The following GSE1 variants were observed in gnomAD, a reference collection of about 807,000 sequenced individuals.
GSE1 encodes genetic suppressor element 1.
A neutral mutation model predicts 112.6 loss-of-function variants in GSE1; 32 were observed. The observed-to-expected ratio is 0.28, with a 90% CI of 0.21 to 0.38. GSE1 has a LOEUF of 0.38. Ranked by LOEUF, GSE1 falls within the 10% of genes least tolerant of loss-of-function variation. The probability of loss-of-function intolerance (pLI) is 1.00; values close to 1 mark genes in which losing one functional copy is unlikely to be tolerated. For missense variants in GSE1, 2,348 were observed against 1,699.2 expected (o/e 1.38, Z -6.71); for synonymous variants, 1,115 against 735.6 (o/e 1.52, Z -8.35).
At chr16:85,554,064 C>G (rs1035943213), upstream of GSE1, among the ~76,000 whole-genome samples, 1 of 152,000 alleles carries the variant, frequency 6.6e-6, no homozygotes, top group African/African-American at 2.4e-5. Context: ...AGTCGTGATT[C>G]CGGCTGGTTG....
chr16:85,638,600 G>A (rs1043701502), intron 2 of GSE1, among the ~76,000 whole-genome samples: 10 of 152,078 alleles, frequency 6.6e-5, no homozygotes, highest in Admixed American at 1.3e-4. Context: ...TGCCACAGCC[G>A]GGAATGGTGG....
At chr16:85,173,900 G>C (rs771269196) in intron 1 of GSE1, among the ~76,000 whole-genome samples, 10 of 152,170 alleles carry the variant, frequency 6.6e-5, no homozygotes, top group Non-Finnish European at 1.5e-4. Flanking sequence ...CTGTTCCCTA[G>C]AACAAGTTAG....
rs572542209 is a variant in GSE1, at chr16:85,463,157, G to T, written c.2464+105514G>T. The T allele has an allele frequency of 1.2e-4, 118 of 974,834 alleles. 1 individual carries two copies. In the South Asian group the frequency reaches 2.2e-3, roughly 18 times the overall value. 60.4% of individuals were successfully genotyped at this position (974,834 alleles called of 1,614,324 possible). On this transcript the variant is annotated intron_variant, in intron 2 of 2. Coordinates refer to the GSE1 transcript ENST00000637419. ...GCCCAGCTCACCGCCCCGTGGACGG[G>T]AGGGTGGGGGGTCCGGGATGGAACT...
chr16:85,628,545 C>T (rs2049268091), intron 1 of GSE1, among the ~76,000 whole-genome samples: 1 of 152,170 alleles, frequency 6.6e-6, no homozygotes, highest in Non-Finnish European at 1.5e-5. Context: ...CCCTGGTCAC[C>T]AGGGAAGGGC....
chr16:85,450,258 A>C (rs2049638119), intron 2 of GSE1, among the ~76,000 whole-genome samples: 1 of 149,780 alleles, frequency 6.7e-6, no homozygotes, highest in Non-Finnish European at 1.5e-5. Context: ...AGCTGGGATT[A>C]CAGGCATATG....
chr16:85,660,037 C>T (rs1332476516), intron 8 of GSE1, among the ~76,000 whole-genome samples: 3 of 152,218 alleles, frequency 2.0e-5, no homozygotes, highest in Non-Finnish European at 4.4e-5. Context: ...TTGTGGCTGC[C>T]TGCGGGGACA....
intron 1 of GSE1, among the ~76,000 whole-genome samples, chr16:85,356,998 C>G (rs1436841288): frequency 6.6e-6 from 1 of 152,182 alleles, no homozygotes; most frequent in Non-Finnish European, 1.5e-5. Context: ...TTGCCCAGCT[C>G]TCTGAGCCAA....
intron 2 of GSE1, among the ~76,000 whole-genome samples, chr16:85,469,247 C>G (rs1264360674): frequency 6.8e-6 from 1 of 146,158 alleles, no homozygotes; most frequent in Non-Finnish European, 1.5e-5. Flanking sequence ...GAGCAAAACT[C>G]CATCTAAAAA....
chr16:85,613,535 A>C, intron 1 of GSE1, 137 bp downstream of exon 1: 2 of 818,974 alleles, frequency 2.4e-6, no homozygotes, highest in Non-Finnish European at 3.7e-6. Flanking sequence ...TAGCGGCGAT[A>C]AGAGCCGGGA....
chr16:85,177,258 C>T (rs2074486561), intron 1 of GSE1, among the ~76,000 whole-genome samples: 1 of 152,350 alleles, frequency 6.6e-6, no homozygotes, highest in South Asian at 2.1e-4. Context: ...CAGGATCTCA[C>T]CCTTGTGAGG....
At chr16:85,376,699 C>T (rs1231190811) in intron 2 of GSE1, among the ~76,000 whole-genome samples, 1 of 152,216 alleles carries the variant, frequency 6.6e-6, no homozygotes, top group Non-Finnish European at 1.5e-5. Flanking sequence ...CCTCACCCTT[C>T]AGCACAGGCC....
chr16:85,669,135 C>T (rs549067103), intron 14 of GSE1, among the ~76,000 whole-genome samples: 36 of 152,362 alleles, frequency 2.4e-4, no homozygotes, highest in Admixed American at 7.8e-4. Flanking sequence ...GCCTCTGTGC[C>T]TCAGTTTCCC....
At chr16:85,346,360 G>A (rs1204105517) in intron 1 of GSE1, among the ~76,000 whole-genome samples, 3 of 151,546 alleles carry the variant, frequency 2.0e-5, no homozygotes, top group African/African-American at 4.9e-5. Context: ...GTGGACGAGT[G>A]GATGGATGGT....
intron 2 of GSE1, among the ~76,000 whole-genome samples, chr16:85,537,383 C>T (rs563900053): frequency 3.9e-5 from 6 of 152,312 alleles, no homozygotes; most frequent in East Asian, 1.9e-4. Flanking sequence ...CCTGGGAGCT[C>T]GGTGACTCCT....
chr16:85,390,239 G>A (rs970800359), intron 2 of GSE1, among the ~76,000 whole-genome samples: 7 of 152,184 alleles, frequency 4.6e-5, no homozygotes, highest in Non-Finnish European at 1.5e-5. Context: ...CTCACGGCCT[G>A]TAGCTTTGTG....
chr16:85,246,579 G>T (rs938663893), intron 1 of GSE1, among the ~76,000 whole-genome samples: 1 of 145,918 alleles, frequency 6.9e-6, no homozygotes, highest in Non-Finnish European at 1.5e-5. Flanking sequence ...GTCCCCAGTC[G>T]TCTAATTATC....
At chr16:85,456,430 C>T (rs553838104) in intron 2 of GSE1, among the ~76,000 whole-genome samples, 8 of 152,266 alleles carry the variant, frequency 5.3e-5, no homozygotes, top group African/African-American at 1.9e-4. Flanking sequence ...AGATTATGCT[C>T]TGGGATTTCC....
intron 1 of GSE1, among the ~76,000 whole-genome samples, chr16:85,587,368 T>C (rs1202279635): frequency 6.6e-6 from 1 of 152,110 alleles, no homozygotes; most frequent in Non-Finnish European, 1.5e-5. Context: ...TATCCCAAGG[T>C]AAAAACCTTC....
At chr16:85,565,722 C>T (rs1462376798) in intron 1 of GSE1, among the ~76,000 whole-genome samples, 1 of 152,200 alleles carries the variant, frequency 6.6e-6, no homozygotes, top group Non-Finnish European at 1.5e-5. Flanking sequence ...TGACCCTGGA[C>T]ACCAGCAGGA....
Sources: gnomAD v4.1 joint callset for allele counts (sites outside exome capture counted in the v4.1 genomes callset) on GRCh38, gnomAD v4.1.1 for gene constraint, MANE v1.5 for transcripts, NCBI Gene and HGNC (gene_info 2026-07-23, HGNC 2026-07-21) for gene names.